The following LINGO2 variants were observed in gnomAD, a reference collection of about 807,000 sequenced individuals.
The protein encoded by LINGO2 is leucine-rich repeat and immunoglobulin-like domain-containing nogo receptor-interacting protein 2.
A neutral mutation model predicts 30.6 loss-of-function variants in LINGO2; 14 were observed. The observed-to-expected ratio is 0.46, with a 90% CI of 0.30 to 0.72. LINGO2 has a LOEUF of 0.72. Among genes scored for constraint, LINGO2 ranks in the 30% least tolerant of loss-of-function variants. The pLI is 0.07. For missense variants in LINGO2, 729 were observed against 751.7 expected (o/e 0.97, Z 0.35); for synonymous variants, 317 against 288.5 (o/e 1.10, Z -1.00).
chr9:28,776,592 T>C, the LINGO2 span, among the ~76,000 whole-genome samples: 1 of 152,170 alleles, frequency 6.6e-6, no homozygotes, highest in African/African-American at 2.4e-5. Flanking sequence ...CTGTTTCCTT[T>C]CATGCATTCT....
intron 4 of LINGO2, among the ~76,000 whole-genome samples, chr9:28,145,250 C>A (rs759412783): frequency 2.0e-5 from 3 of 152,082 alleles, no homozygotes; most frequent in Admixed American, 6.6e-5. Flanking sequence ...GGAAGGCAAG[C>A]GTTGCACATA....
chr9:28,261,707 A>G (rs1822569910), intron 4 of LINGO2, among the ~76,000 whole-genome samples: 1 of 151,906 alleles, frequency 6.6e-6, no homozygotes. Flanking sequence ...AGATGACAAC[A>G]TATTATTCAA....
chr9:28,771,349 G>T, the LINGO2 span, among the ~76,000 whole-genome samples: 4 of 151,374 alleles, frequency 2.6e-5, no homozygotes, highest in Non-Finnish European at 4.4e-5. Flanking sequence ...TTTTCCTCTA[G>T]AATTTACTAT....
At chr9:28,233,030 TTATATATATATATATATATA>T (rs1554690875) in intron 4 of LINGO2, among the ~76,000 whole-genome samples, 4 of 77,714 alleles carry the variant, frequency 5.1e-5, no homozygotes, top group African/African-American at 3.1e-4. Context: ...ACAGTAAACA[TTATATATATATATATATATA>T]TATATATATA....
At chr9:28,956,511 T>A in the LINGO2 span, among the ~76,000 whole-genome samples, 2 of 152,104 alleles carry the variant, frequency 1.3e-5, no homozygotes, top group African/African-American at 4.8e-5. Flanking sequence ...TTCCGTATAA[T>A]GCTTGTGCAC....
chr9:27,949,084 T>C, exon 6 of LINGO2: 1 of 1,614,144 alleles, frequency 6.2e-7, no homozygotes, highest in Non-Finnish European at 8.5e-7. Flanking sequence ...GTATTGGCAT[T>C]GGTGCCATTG....
intron 4 of LINGO2, among the ~76,000 whole-genome samples, chr9:28,094,532 A>G (rs530663465): frequency 1.3e-5 from 2 of 150,278 alleles, no homozygotes; most frequent in African/African-American, 4.9e-5. Flanking sequence ...TGTGTGTGAG[A>G]GAGAGAGAGA....
At chr9:28,765,423 G>A in the LINGO2 span, among the ~76,000 whole-genome samples, 212 of 152,160 alleles carry the variant, frequency 1.4e-3, 2 homozygotes, top group African/African-American at 4.9e-3. Context: ...ATTCATGTTG[G>A]TATTTGATCC....
chr9:28,342,645 GAA>G (rs1819391548), intron 3 of LINGO2, among the ~76,000 whole-genome samples: 1 of 152,084 alleles, frequency 6.6e-6, no homozygotes, highest in Non-Finnish European at 1.5e-5. Context: ...AATAACCTCA[GAA>G]AAGTACTGCA....
At chr9:27,955,871 G>A (rs996202178) in intron 5 of LINGO2, among the ~76,000 whole-genome samples, 1 of 150,544 alleles carries the variant, frequency 6.6e-6, no homozygotes. Context: ...ATGCCATTCA[G>A]CATTTCCACT....
chr9:27,981,482 G>A (rs1320489371), intron 5 of LINGO2, among the ~76,000 whole-genome samples: 5 of 134,476 alleles, frequency 3.7e-5, no homozygotes, highest in Non-Finnish European at 6.2e-5. Context: ...TTATTTTGAA[G>A]TATGGTTTTG....
chr9:28,590,538 C>A lies in LINGO2; in HGVS notation c.-365+79662G>T, dbSNP rs561746513. Reference sequence around the variant, plus strand: ...TTCTCAGAAGAACACATTTATGCAGCCAAAAAACACATGAAAAAATGCTCA... The same window carrying A: ...TTCTCAGAAGAACACATTTATGCAGACAAAAAACACATGAAAAAATGCTCA... On this transcript the variant is annotated intron_variant, in intron 1 of 5. Coordinates refer to ENST00000379992, the Ensembl canonical transcript of LINGO2. 1.2e-3 allele frequency among the ~76,000 whole-genome samples: 181 copies of A among 152,146 alleles called. 1 individual carries two copies. Among genetic ancestry groups the A allele is most frequent in the African/African-American group, 4.1e-3 (172 of 41,520 alleles).
intron 1 of LINGO2, among the ~76,000 whole-genome samples, chr9:28,617,993 G>C (rs1019854640): frequency 2.0e-5 from 3 of 152,138 alleles, no homozygotes; most frequent in Non-Finnish European, 2.9e-5. Context: ...GCTTTTCCCA[G>C]ATAAAATAGG....
chr9:28,349,387 G>A (rs1233786906), intron 3 of LINGO2, among the ~76,000 whole-genome samples: 1 of 136,834 alleles, frequency 7.3e-6, no homozygotes, highest in Non-Finnish European at 1.5e-5. Context: ...TCAACTGGAA[G>A]AAAGGGTATC....
intron 4 of LINGO2, among the ~76,000 whole-genome samples, chr9:28,188,766 A>G (rs1017827823): frequency 6.6e-6 from 1 of 152,156 alleles, no homozygotes; most frequent in African/African-American, 2.4e-5. Flanking sequence ...ATAATTAATA[A>G]ATAATGCTAT....
intron 1 of LINGO2, among the ~76,000 whole-genome samples, chr9:28,521,103 A>G (rs1164675902): frequency 6.6e-6 from 1 of 152,350 alleles, no homozygotes; most frequent in African/African-American, 2.4e-5. Context: ...TGGAGGGAAT[A>G]CTAATCCTCT....
chr9:28,780,948 A>G, the LINGO2 span, among the ~76,000 whole-genome samples: 1 of 151,752 alleles, frequency 6.6e-6, no homozygotes, highest in African/African-American at 2.4e-5. Flanking sequence ...AATTTTGGAG[A>G]GAGTAGGAAA....
intron 1 of LINGO2, among the ~76,000 whole-genome samples, chr9:28,618,881 G>GAA (rs34018909): frequency 3.3e-5 from 5 of 151,764 alleles, no homozygotes; most frequent in South Asian, 2.1e-4. Context: ...GAACTTAAAG[G>GAA]AAAAAAAATT....
At chr9:27,975,608 CAT>C (rs1820555897) in intron 5 of LINGO2, among the ~76,000 whole-genome samples, 1 of 152,004 alleles carries the variant, frequency 6.6e-6, no homozygotes, top group Admixed American at 6.6e-5. Context: ...GCAATAGCTC[CAT>C]ATATATTAAG....
Sources: allele counts gnomAD v4.1 joint callset (sites outside exome capture counted in the v4.1 genomes callset), GRCh38; gene constraint gnomAD v4.1.1; transcripts MANE v1.5; gene names NCBI Gene and HGNC (gene_info 2026-07-23, HGNC 2026-07-21).